The following CLSTN2 variants were observed in gnomAD, a reference collection of about 807,000 sequenced individuals.
CLSTN2 encodes calsyntenin-2.
CLSTN2 carries 48 observed loss-of-function variants against 101.2 expected under a neutral mutation model. That is an observed-to-expected ratio of 0.47 (90% CI 0.38 to 0.60). CLSTN2 has a LOEUF of 0.60. CLSTN2 is among the 20% of genes least tolerant of loss of function. The probability of loss-of-function intolerance (pLI) is 0.00; values close to 1 mark genes in which losing one functional copy is unlikely to be tolerated. For synonymous variants in CLSTN2, 481 were observed against 463.6 expected (o/e 1.04, Z -0.48); for missense variants, 1,160 against 1,238.2 (o/e 0.94, Z 0.95).
intron 5 of CLSTN2, among the ~76,000 whole-genome samples, chr3:140,427,750 C>G (rs553963415): frequency 6.6e-6 from 1 of 151,874 alleles, no homozygotes; most frequent in Admixed American, 6.6e-5. Context: ...TCTCTATTTT[C>G]TTTTTTTTAT....
At chr3:140,282,816 T>C (rs2086861079) in intron 2 of CLSTN2, among the ~76,000 whole-genome samples, 1 of 152,214 alleles carries the variant, frequency 6.6e-6, no homozygotes, top group African/African-American at 2.4e-5. Flanking sequence ...TGTGCTGTTG[T>C]ACAGTATGTG....
chr3:140,132,063 T>C (rs1184319857), intron 1 of CLSTN2, among the ~76,000 whole-genome samples: 1 of 152,190 alleles, frequency 6.6e-6, no homozygotes, highest in Non-Finnish European at 1.5e-5. Flanking sequence ...TAGGATTCAG[T>C]CTGGCAATTA....
Position 140,193,687 on chromosome 3 carries a change from A to G in CLSTN2, c.232+17614A>G, listed in dbSNP as rs181128517. Among the ~76,000 whole-genome samples the G allele has an allele frequency of 8.7e-4, 133 of 152,182 alleles. 1 individual carries two copies. Among genetic ancestry groups the G allele is most frequent in the African/African-American group, 3.0e-3 (126 of 41,560 alleles). On this transcript the variant is annotated intron_variant, in intron 2 of 16. Coordinates refer to ENST00000458420, the MANE Select transcript of CLSTN2 (RefSeq NM_022131.3). ...ATCTATAGGTTTGTATCTTTTGCCA[A>G]ATATGGAAAGTTTTAGCCATTTTTG...
At chr3:140,526,858 G>A (rs1220536872) in intron 8 of CLSTN2, among the ~76,000 whole-genome samples, 8 of 152,126 alleles carry the variant, frequency 5.3e-5, no homozygotes, top group Non-Finnish European at 1.0e-4. Flanking sequence ...TTCAATGAAT[G>A]GTGTTGGGAT....
chr3:140,531,394 TG>T (rs1324026066), intron 8 of CLSTN2, among the ~76,000 whole-genome samples: 1 of 152,248 alleles, frequency 6.6e-6, no homozygotes, highest in African/African-American at 2.4e-5. Context: ...TATCTGTTCA[TG>T]AGAAACAGCA....
intron 8 of CLSTN2, among the ~76,000 whole-genome samples, chr3:140,470,520 G>A (rs543369368): frequency 2.6e-5 from 4 of 152,328 alleles, no homozygotes; most frequent in African/African-American, 7.2e-5. Context: ...AGTGTGGTGG[G>A]GCATAGGCAT....
intron 2 of CLSTN2, among the ~76,000 whole-genome samples, chr3:140,234,967 CGGA>C (rs2086403999): frequency 6.6e-6 from 1 of 152,186 alleles, no homozygotes; most frequent in African/African-American, 2.4e-5. Context: ...CCCTCTTTCC[CGGA>C]GCTCACACAA....
chr3:140,406,687 G>T (rs2088306220), intron 4 of CLSTN2, among the ~76,000 whole-genome samples: 1 of 152,120 alleles, frequency 6.6e-6, no homozygotes, highest in Non-Finnish European at 1.5e-5. Context: ...TTCTCCTCTG[G>T]GTTTCTTTTT....
At chr3:140,509,126 T>TG (rs925310533) in intron 8 of CLSTN2, among the ~76,000 whole-genome samples, 1 of 152,182 alleles carries the variant, frequency 6.6e-6, no homozygotes, top group African/African-American at 2.4e-5. Context: ...GGGAAGTACC[T>TG]GGAACATATG....
intron 2 of CLSTN2, among the ~76,000 whole-genome samples, chr3:140,192,417 A>G (rs2010581066): frequency 6.6e-6 from 1 of 151,970 alleles, no homozygotes; most frequent in African/African-American, 2.4e-5. Flanking sequence ...TTAAATTACA[A>G]TAATAGACTT....
chr3:140,073,541 C>A (rs1286424217), intron 1 of CLSTN2, among the ~76,000 whole-genome samples: 2 of 152,188 alleles, frequency 1.3e-5, no homozygotes, highest in Non-Finnish European at 2.9e-5. Context: ...CAATTGACCC[C>A]CTGCTCCTCA....
intron 13 of CLSTN2, 25 bp downstream of exon 13, chr3:140,562,333 G>A (rs1198488383): frequency 6.3e-7 from 1 of 1,596,624 alleles, no homozygotes; most frequent in Non-Finnish European, 8.5e-7. Context: ...AGCCCCCTTT[G>A]CCCCAAGGGT....
At chr3:140,479,873 A>C (rs978733489) in intron 8 of CLSTN2, among the ~76,000 whole-genome samples, 44 of 152,194 alleles carry the variant, frequency 2.9e-4, no homozygotes, top group Non-Finnish European at 3.5e-4. Context: ...AGCAAGCCCC[A>C]AGCCGAATAA....
Position 140,062,687 on chromosome 3 carries a change from C to T in CLSTN2, c.110-113264C>T, listed in dbSNP as rs954807375. Among the ~76,000 whole-genome samples the T allele has an allele frequency of 3.5e-4, 54 of 152,120 alleles. 1 individual carries two copies. The highest frequency in any genetic ancestry group is 1.2e-3 in the African/African-American group (50 of 41,422). ...ATGACTCATTATGTGACTACTGTAC[C>T]CCTGTGTTTCCCCACTTTTTGTAAG... On this transcript the variant is annotated intron_variant, in intron 1 of 16. Coordinates refer to ENST00000458420, the MANE Select transcript of CLSTN2 (RefSeq NM_022131.3).
intron 9 of CLSTN2, among the ~76,000 whole-genome samples, chr3:140,542,205 A>T (rs1439688869): frequency 6.6e-6 from 1 of 152,208 alleles, no homozygotes; most frequent in Non-Finnish European, 1.5e-5. Context: ...CTGCCTTAGA[A>T]CATCTATCAT....
intron 1 of CLSTN2, among the ~76,000 whole-genome samples, chr3:140,087,144 G>A (rs2008694427): frequency 6.6e-6 from 1 of 152,108 alleles, no homozygotes; most frequent in Non-Finnish European, 1.5e-5. Context: ...GGGAGTTTGG[G>A]TGAAGTACAG....
intron 2 of CLSTN2, among the ~76,000 whole-genome samples, chr3:140,298,029 A>G (rs940535861): frequency 6.6e-6 from 1 of 152,274 alleles, no homozygotes; most frequent in Non-Finnish European, 1.5e-5. Flanking sequence ...ATGGTAAGTT[A>G]GGGATCATAA....
chr3:139,972,390 G>T (rs745542734), intron 1 of CLSTN2, among the ~76,000 whole-genome samples: 2 of 152,166 alleles, frequency 1.3e-5, no homozygotes, highest in Admixed American at 6.5e-5. Flanking sequence ...TGCAGGCAGA[G>T]GCTGAGTGAA....
chr3:139,998,994 G>GA (rs36115163), intron 1 of CLSTN2, among the ~76,000 whole-genome samples: 83,595 of 150,594 alleles, frequency 0.56, 25,257 homozygotes, highest in Non-Finnish European at 0.67. Flanking sequence ...CGGACCTTGT[G>GA]TTTTTTTTTT....
Sources: allele counts gnomAD v4.1 joint callset (sites outside exome capture counted in the v4.1 genomes callset), GRCh38; gene constraint gnomAD v4.1.1; transcripts MANE v1.5; gene names NCBI Gene and HGNC (gene_info 2026-07-23, HGNC 2026-07-21).